UTP25: variants seen among roughly 807,000 people sequenced by gnomAD.
The protein encoded by UTP25 is U3 small nucleolar RNA-associated protein 25 homolog.
In UTP25, 50 loss-of-function variants were observed where a neutral mutation model predicts 78.9. The observed-to-expected ratio is 0.63, with a 90% CI of 0.50 to 0.80. The LOEUF (loss-of-function observed/expected upper bound fraction) is 0.80, where lower values mean the gene tolerates loss of function less well. Among genes scored for constraint, UTP25 ranks in the 30% least tolerant of loss-of-function variants. The pLI is 0.00. For synonymous variants in UTP25, 329 were observed against 336.5 expected, an observed-to-expected ratio of 0.98 and a Z score of 0.24; for missense variants, 846 against 911.3, an observed-to-expected ratio of 0.93 and a Z score of 0.92.
At chr1:209,850,639 G>T (rs1291806312) in intron 11 of UTP25, among the ~76,000 whole-genome samples, 3 of 152,182 alleles carry the variant, frequency 2.0e-5, no homozygotes, top group Admixed American at 6.5e-5. Context: ...AAATGCATAC[G>T]CTGTTGAAAC....
At chr1:209,849,540 T>TC (rs2078219281) in intron 11 of UTP25, among the ~76,000 whole-genome samples, 2 of 152,016 alleles carry the variant, frequency 1.3e-5, no homozygotes, top group Admixed American at 1.3e-4. Context: ...TCCTTTCTTC[T>TC]CCCCCGTGTG....
At chr1:209,850,769 T>C (rs1227493781) in intron 11 of UTP25, among the ~76,000 whole-genome samples, 1 of 152,142 alleles carries the variant, frequency 6.6e-6, no homozygotes, top group Non-Finnish European at 1.5e-5. Context: ...CTAATGGGAG[T>C]GTATTTACAA....
chr1:209,837,551 C>T (rs2078140558), intron 6 of UTP25, among the ~76,000 whole-genome samples: 1 of 152,116 alleles, frequency 6.6e-6, no homozygotes, highest in African/African-American at 2.4e-5. Flanking sequence ...GCCTTTTATC[C>T]AATCCCTCCA....
chr1:209,842,372 A>G lies in UTP25; in HGVS notation c.1593A>G (p.Thr531=). Residue 531 remains threonine, a synonymous_variant, in exon 9 of 12, where the codon ACA becomes ACG. Coordinates refer to ENST00000491415, the MANE Select transcript of UTP25 (RefSeq NM_014388.7). ...LNNWSKYYRQ[T]LLFGALQDAQ... ...ATTGGTCCAAGTACTATCGCCAGAC[A>G]CTGCTATTTGGGGCCCTTCAGGATG... 1 of 1,614,152 alleles carries G rather than the reference A, an allele frequency of 6.2e-7. No individual in the cohort carries two copies. Among genetic ancestry groups the G allele is most frequent in the African/African-American group, 1.3e-5 (1 of 75,050 alleles).
At chr1:209,845,806 A>ATT (rs35300844) in intron 11 of UTP25, among the ~76,000 whole-genome samples, 6,489 of 144,644 alleles carry the variant, frequency 0.045, 481 homozygotes, top group African/African-American at 0.15. Flanking sequence ...TGCCTTTGTG[A>ATT]TTTTTTTTTT....
At chr1:209,848,024 C>A (rs943335662) in intron 11 of UTP25, among the ~76,000 whole-genome samples, 1 of 152,140 alleles carries the variant, frequency 6.6e-6, no homozygotes. Context: ...TAATTGTTCC[C>A]TTGTTATTTA....
Position 209,851,287 on chromosome 1 carries a change from T to C in UTP25, c.2111T>C (p.Leu704Pro), listed in dbSNP as rs1318974656. 1 of 1,614,084 alleles carries C rather than the reference T, an allele frequency of 6.2e-7. No homozygotes were observed. Among genetic ancestry groups the C allele is most frequent in the African/African-American group, 1.3e-5 (1 of 74,928 alleles). Residue 704 changes from leucine to proline, a missense_variant, in exon 12 of 12, where the codon CTG (leucine) becomes CCG (proline). By Grantham distance (98) the Leu-to-Pro change is moderately conservative. Coordinates refer to ENST00000491415, the MANE Select transcript of UTP25 (RefSeq NM_014388.7). Reference sequence around the variant, plus strand: ...TTTTACAGTGAAATCTGTAATATGCTGAGAGCCACCAACAGAGGAGAAGAG... The same window carrying C: ...TTTTACAGTGAAATCTGTAATATGCCGAGAGCCACCAACAGAGGAGAAGAG... ...PHFYSEICNM[L>P]RATNRGEEAT...
chr1:209,849,881 G>A (rs1477520015), intron 11 of UTP25, among the ~76,000 whole-genome samples: 1 of 152,170 alleles, frequency 6.6e-6, no homozygotes, highest in African/African-American at 2.4e-5. Context: ...TCCTCAGAAG[G>A]GCTACTCTTT....
intron 1 of UTP25, among the ~76,000 whole-genome samples, chr1:209,829,021 G>T (rs1394491992): frequency 1.3e-5 from 2 of 149,026 alleles, no homozygotes; most frequent in African/African-American, 5.0e-5. Flanking sequence ...TGATCTGCCC[G>T]CCTTGGCCTC....
intron 11 of UTP25, among the ~76,000 whole-genome samples, chr1:209,847,638 A>T (rs2078206676): frequency 6.6e-6 from 1 of 152,212 alleles, no homozygotes; most frequent in African/African-American, 2.4e-5. Flanking sequence ...GCCAAAAAGG[A>T]TTCAGTAAGG....
chr1:209,835,020 C>A, intron 4 of UTP25, 55 bp from the exon 5 acceptor site: 1 of 1,410,198 alleles, frequency 7.1e-7, no homozygotes, highest in Non-Finnish European at 1.0e-6. Context: ...AGGGGAAGAC[C>A]ACAAAACCCC....
In UTP25 at chr1:209,852,068, T is replaced by C. The variant is rs2078244120; in HGVS notation, c.*621T>C. The C allele has an allele frequency of 6.6e-6, 1 of 152,256 alleles. No homozygotes were observed. The highest frequency in any genetic ancestry group is 2.1e-4 in the South Asian group (1 of 4,836). 9.4% of individuals were successfully genotyped at this position (152,256 alleles called of 1,614,324 possible). A position where few individuals can be genotyped will look rare whatever the true frequency, so the allele number is the denominator to read the frequency against. The stretch of plus-strand genomic sequence containing the variant: ...CAAATATATGCTTAAAATCACGTTA[T>C]TTAAAAAACACATCAGCTCTGTCTC... On this transcript the variant is annotated 3_prime_UTR_variant, in exon 12 of 12. Transcript: ENST00000491415.
rs1197839883 is a variant in UTP25, at chr1:209,837,167, G to A, written c.1018G>A (p.Gly340Ser). The change falls in exon 6 of 12, where the codon GGT (glycine) becomes AGT (serine). Residue 340 changes from glycine to serine, a missense_variant. Physicochemically the swap from Gly to Ser is moderately conservative, Grantham distance 56. Transcript: ENST00000491415. ...ACGCCGAAGCCAGAAGTTTGGAGTG[G>A]GTGATGATGATGACTTCAGAGACCA... ...SRRRSQKFGV[G>S]DDDDFRDQGL... 8.1e-6 allele frequency: 13 copies of A among 1,613,988 alleles called. No homozygotes were observed. The highest frequency in any genetic ancestry group is 1.1e-5 in the Non-Finnish European group (13 of 1,180,016).
At chr1:209,833,455 T>G (rs1340511422) in intron 4 of UTP25, 97 bp downstream of exon 4, 20 of 1,115,948 alleles carry the variant, frequency 1.8e-5, no homozygotes, top group Non-Finnish European at 2.3e-5. Flanking sequence ...CAAACAGCAA[T>G]AAAAACAGTT....
chr1:209,833,620 G>A (rs2102569800), intron 4 of UTP25, among the ~76,000 whole-genome samples: 1 of 152,206 alleles, frequency 6.6e-6, no homozygotes, highest in East Asian at 1.9e-4. Flanking sequence ...TTGGAGTCAG[G>A]GGAAGATTTC....
chr1:209,837,155 A>G lies in UTP25; in HGVS notation c.1006A>G (p.Lys336Glu). The change falls in exon 6 of 12, where the codon AAG (lysine) becomes GAG (glutamate). Residue 336 changes from lysine (K) to glutamate (E), a missense_variant. By Grantham distance (56) the Lys-to-Glu change is moderately conservative (BLOSUM62 1). Coordinates refer to ENST00000491415, the MANE Select transcript of UTP25 (RefSeq NM_014388.7). ...LGNNSRRRSQKFGVGDDDDFR... is the reference protein window; with the variant it reads ...LGNNSRRRSQEFGVGDDDDFR... ...CAACAATAGCAGACGCCGAAGCCAG[A>G]AGTTTGGAGTGGGTGATGATGATGA... 6.2e-7 allele frequency: 1 copy of G among 1,614,150 alleles called. No individual in the cohort carries two copies. The highest frequency in any genetic ancestry group is 8.5e-7 in the Non-Finnish European group (1 of 1,180,018).
At position 209,828,001 on chromosome 1, in the gene UTP25, A is replaced by G. The variant is rs2078077622; in HGVS notation, c.-63A>G. On this transcript the variant is annotated 5_prime_UTR_variant, in exon 1 of 12. Transcript: ENST00000491415. Reference sequence around the variant, plus strand: ...TCAGCGAGCCCACGTGCTTGTGTTGACTGGACAACTTCCTGGTGGAAAACC... The same window carrying G: ...TCAGCGAGCCCACGTGCTTGTGTTGGCTGGACAACTTCCTGGTGGAAAACC... 1 of 1,328,154 alleles carries G rather than the reference A, an allele frequency of 7.5e-7. No individual in the cohort carries two copies. Among genetic ancestry groups the G allele is most frequent in the Non-Finnish European group, 1.1e-6 (1 of 919,844 alleles). 82.3% of individuals were successfully genotyped at this position (1,328,154 alleles called of 1,614,324 possible).
Position 209,851,199 on chromosome 1 carries a change from GAC to G in UTP25, c.2028-3_2028-2del. On this transcript the variant is annotated splice_region_variant and splice_polypyrimidine_tract_variant and intron_variant, in intron 11 of 11. Coordinates refer to ENST00000491415, the MANE Select transcript of UTP25 (RefSeq NM_014388.7). ...GACATAGCTCTTTCTTTCCAATTCT[GAC>G]AGGTATACAATAAAAGGCATCAGGA... 1 of 1,607,856 alleles carries G rather than the reference GAC, an allele frequency of 6.2e-7. No individual in the cohort carries two copies. The highest frequency in any genetic ancestry group is 8.5e-7 in the Non-Finnish European group (1 of 1,177,592).
chr1:209,830,940 A>G lies in UTP25; in HGVS notation c.285A>G (p.Glu95=). The G allele has an allele frequency of 6.2e-7, 1 of 1,613,846 alleles. No homozygotes were observed. The highest frequency in any genetic ancestry group is 8.5e-7 in the Non-Finnish European group (1 of 1,179,700). The part of the protein sequence containing the change: ...EEEEDEEEEE[E]EDSIVDDAEM... ...AGGAAGATGAGGAGGAGGAAGAGGA[A>G]GAAGACAGTATTGTAGATGATGCAG... Residue 95 remains glutamate (E), a synonymous_variant, in exon 3 of 12, where the codon GAA becomes GAG. Transcript: ENST00000491415.
Sources: allele counts gnomAD v4.1 joint callset (sites outside exome capture counted in the v4.1 genomes callset), GRCh38; gene constraint gnomAD v4.1.1; transcripts MANE v1.5; gene names NCBI Gene and HGNC (gene_info 2026-07-23, HGNC 2026-07-21).